Variants in NPAP1 observed in about 807,000 individuals in gnomAD.
The protein encoded by NPAP1 is nuclear pore associated protein 1, also known as nuclear pore-associated protein 1.
For synonymous variants in NPAP1, 616 were observed against 581.4 expected (o/e 1.06, Z -0.86); for missense variants, 1,483 against 1,454.5 (o/e 1.02, Z -0.32).
At position 24,677,178 on chromosome 15, in the gene NPAP1, C is replaced by T. The variant is rs146665066; in HGVS notation, c.1311C>T (p.Leu437=). ...PDLADLATGP[L]ILPIPPLSTT... ...TGGCTGACCTGGCTACTGGACCCCT[C>T]ATCCTGCCTATCCCTCCACTTTCCA... The change falls in exon 1 of 1, where the codon CTC becomes CTT. Residue 437 remains leucine (L), a synonymous_variant. Coordinates refer to ENST00000329468, the MANE Select transcript of NPAP1 (RefSeq NM_018958.3). 13 of 1,613,958 alleles carry T rather than the reference C, an allele frequency of 8.1e-6. No homozygotes were observed. The highest frequency in any genetic ancestry group is 3.3e-5 in the South Asian group (3 of 91,076).
Position 24,682,649 on chromosome 15 carries a change from T to A in NPAP1, c.*3311T>A, listed in dbSNP as rs902380853. 1 of 167,082 alleles carries A rather than the reference T, an allele frequency of 6.0e-6. No homozygotes were observed. Among genetic ancestry groups the A allele is most frequent in the Non-Finnish European group, 1.5e-5 (1 of 68,114 alleles). The allele number at this position is 167,082 out of a possible 1,614,324, so 10.3% of individuals were successfully genotyped here. The stretch of plus-strand genomic sequence containing the variant: ...GTCACTCCCATAGTTCTGAGTTTGC[T>A]TTTTTACTTCAACTATTATGTTATC... On this transcript the variant is annotated 3_prime_UTR_variant, in exon 1 of 1. Coordinates refer to ENST00000329468, the MANE Select transcript of NPAP1 (RefSeq NM_018958.3).
In NPAP1 at chr15:24,676,916, A is replaced by G. The variant is rs2141309126; in HGVS notation, c.1049A>G (p.Glu350Gly). The G allele has an allele frequency of 6.2e-7, 1 of 1,613,596 alleles. No individual in the cohort carries two copies. Residue 350 changes from glutamate (E) to glycine (G), a missense_variant, in exon 1 of 1, where the codon GAG becomes GGG. Coordinates refer to ENST00000329468, the MANE Select transcript of NPAP1 (RefSeq NM_018958.3). Reference sequence around the variant, plus strand: ...CTGCCATTGCTGTGGGATCGAGGTGAGCTTCCCCCACCTGCTAAGCTCCCC... The same window carrying G: ...CTGCCATTGCTGTGGGATCGAGGTGGGCTTCCCCCACCTGCTAAGCTCCCC... ...PSLPLLWDRGELPPPAKLPCL... is the reference protein window; with the variant it reads ...PSLPLLWDRGGLPPPAKLPCL...
In NPAP1 at chr15:24,676,991, A is replaced by G. The variant is rs771994456; in HGVS notation, c.1124A>G (p.Tyr375Cys). The G allele has an allele frequency of 1.2e-6, 2 of 1,613,846 alleles. No individual in the cohort carries two copies. The highest frequency in any genetic ancestry group is 1.7e-5 in the Admixed American group (1 of 59,998). ...CACACCTTGGAGAAGAGCCCTGAGT[A>G]TAAAAGGAATAGCAGAATCTTGGAG... The part of the protein sequence containing the change: ...DLHTLEKSPE[Y>C]KRNSRILEDK... The change falls in exon 1 of 1, where the codon TAT becomes TGT. Residue 375 changes from tyrosine to cysteine, a missense_variant. Physicochemically the swap from Tyr to Cys is radical, Grantham distance 194. Transcript: ENST00000329468.
rs1380466216 is a variant in NPAP1, at chr15:24,678,760, G to C, written c.2893G>C (p.Glu965Gln). ...LGTPVNAEPV[E>Q]GHNASAFPNG... ...CACACCTGTTAATGCTGAGCCAGTCGAGGGTCACAATGCAAGTGCTTTCCC... is the reference window on the plus strand; with the variant it reads ...CACACCTGTTAATGCTGAGCCAGTCCAGGGTCACAATGCAAGTGCTTTCCC... The change falls in exon 1 of 1, where the codon GAG (glutamate) becomes CAG (glutamine). Residue 965 changes from glutamate to glutamine, a missense_variant. Coordinates refer to ENST00000329468, the MANE Select transcript of NPAP1 (RefSeq NM_018958.3). 1.9e-6 allele frequency: 3 copies of C among 1,614,216 alleles called. No homozygotes were observed. Among genetic ancestry groups the C allele is most frequent in the African/African-American group, 1.3e-5 (1 of 75,062 alleles).
chr15:24,677,915 A>G lies in NPAP1; in HGVS notation c.2048A>G (p.Asn683Ser), dbSNP rs34938903. 1,625 of 1,605,906 alleles carry G rather than the reference A, an allele frequency of 1.0e-3. 16 individuals carry two copies. In the African/African-American group the frequency reaches 0.02, roughly 20 times the overall value. The change falls in exon 1 of 1, where the codon AAC becomes AGC. Residue 683 changes from asparagine to serine, a missense_variant. Transcript: ENST00000329468. ...IPPPDTSTLVNSASTASSSKP... is the reference protein window; with the variant it reads ...IPPPDTSTLVSSASTASSSKP... The stretch of plus-strand genomic sequence containing the variant: ...CCTCCAGACACCTCCACTTTAGTGA[A>G]CAGTGCCTCTACAGCATCATCATCC...
rs2141311827 is a variant in NPAP1 at position 24,678,097 on chromosome 15, G to A, written c.2230G>A (p.Gly744Ser). The A allele has an allele frequency of 6.2e-7, 1 of 1,613,726 alleles. No homozygotes were observed. The highest frequency in any genetic ancestry group is 1.1e-5 in the South Asian group (1 of 91,054). Residue 744 changes from glycine to serine, a missense_variant, in exon 1 of 1, where the codon GGC (glycine) becomes AGC (serine). Transcript: ENST00000329468. ...QPSGNTASVQGSTSLPAQSVR... is the reference protein window; with the variant it reads ...QPSGNTASVQSSTSLPAQSVR... ...CAGCGGCAACACTGCCTCAGTCCAAGGCTCCACCAGTTTGCCTGCACAGTC... is the reference window on the plus strand; with the variant it reads ...CAGCGGCAACACTGCCTCAGTCCAAAGCTCCACCAGTTTGCCTGCACAGTC...
chr15:24,676,605 C>T lies in NPAP1; in HGVS notation c.738C>T (p.Ala246=), dbSNP rs753676478. 3.1e-6 allele frequency: 5 copies of T among 1,613,972 alleles called. No homozygotes were observed. The highest frequency in any genetic ancestry group is 1.1e-5 in the South Asian group (1 of 91,074). The change falls in exon 1 of 1, where the codon GCC becomes GCT. Residue 246 remains alanine, a synonymous_variant. Transcript: ENST00000329468. ...CCATGCCCAGCACACACAGCCAGGC[C>T]GGATGTGCCCGGCATCTTGGAAAGC... ...GPAMPSTHSQ[A]GCARHLGKPD...
rs2141307562 is a variant in NPAP1 at position 24,676,227 on chromosome 15, C to A, written c.360C>A (p.Ser120Arg). The change falls in exon 1 of 1, where the codon AGC (serine) becomes AGA (arginine). Residue 120 changes from serine to arginine, a missense_variant. By Grantham distance (110) the Ser-to-Arg change is moderately radical (BLOSUM62 -1). Transcript: ENST00000329468. ...GTTCCGTAAGGATCCCTCCTCCCAG[C>A]CGCATGTTCACTCTCCTGCTGCCTT... ...HPSSVRIPPPSRMFTLLLPSP... is the reference protein window; with the variant it reads ...HPSSVRIPPPRRMFTLLLPSP... 6.6e-7 allele frequency: 1 copy of A among 1,523,166 alleles called. No homozygotes were observed. Among genetic ancestry groups the A allele is most frequent in the Non-Finnish European group, 8.8e-7 (1 of 1,137,874 alleles). 94.4% of individuals were successfully genotyped at this position (1,523,166 alleles called of 1,614,324 possible).
Position 24,677,200 on chromosome 15 carries a change from T to C in NPAP1, c.1333T>C (p.Ser445Pro). The change falls in exon 1 of 1, where the codon TCC (serine) becomes CCC (proline). Residue 445 changes from serine to proline, a missense_variant. Transcript: ENST00000329468. ...CCTCATCCTGCCTATCCCTCCACTT[T>C]CCACCACACCAAAAATGGATGAGAA... ...GPLILPIPPLSTTPKMDEKIA... is the reference protein window; with the variant it reads ...GPLILPIPPLPTTPKMDEKIA... The C allele has an allele frequency of 6.2e-7, 1 of 1,614,002 alleles. No homozygotes were observed. Among genetic ancestry groups the C allele is most frequent in the Non-Finnish European group, 8.5e-7 (1 of 1,180,010 alleles).
rs749455902 is a variant in NPAP1 at position 24,678,390 on chromosome 15, C to G, written c.2523C>G (p.Val841=). The G allele has an allele frequency of 7.4e-6, 12 of 1,614,076 alleles. No homozygotes were observed. Among genetic ancestry groups the G allele is most frequent in the Non-Finnish European group, 9.3e-6 (11 of 1,180,022 alleles). ...SKTVILQSTF[V]SRKEEYIRFY... ...CTGTCATCTTGCAGTCTACCTTTGT[C>G]TCCAGGAAGGAGGAGTACATCCGAT... is the stretch of plus-strand genomic sequence containing the variant. Residue 841 remains valine (V), a synonymous_variant, in exon 1 of 1, where the codon GTC becomes GTG. Transcript: ENST00000329468.
At position 24,677,206 on chromosome 15, in the gene NPAP1, A is replaced by G. The variant is rs2141309838; in HGVS notation, c.1339A>G (p.Thr447Ala). The stretch of plus-strand genomic sequence containing the variant: ...CCTGCCTATCCCTCCACTTTCCACC[A>G]CACCAAAAATGGATGAGAAAATAGC... ...LILPIPPLST[T>A]PKMDEKIAFT... Residue 447 changes from threonine (T) to alanine (A), a missense_variant, in exon 1 of 1, where the codon ACA (threonine) becomes GCA (alanine). Thr to Ala is a moderately conservative substitution (Grantham distance 58, BLOSUM62 0). Coordinates refer to ENST00000329468, the MANE Select transcript of NPAP1 (RefSeq NM_018958.3). 1.2e-6 allele frequency: 2 copies of G among 1,613,888 alleles called. No homozygotes were observed. The highest frequency in any genetic ancestry group is 1.7e-6 in the Non-Finnish European group (2 of 1,179,976).
chr15:24,676,137 G>A, the NPAP1 span: 1 of 1,574,926 alleles, frequency 6.3e-7, no homozygotes, highest in Non-Finnish European at 8.6e-7. Flanking sequence ...CTGTGGGTTG[G>A]GGGCTGGCCA....
chr15:24,677,737 CT>C, the NPAP1 span: 1 of 1,614,200 alleles, frequency 6.2e-7, no homozygotes. Context: ...CACATCCCCA[CT>C]TCCATTTATA....
In NPAP1 at chr15:24,679,129, A is replaced by G. The variant is rs2141314179; in HGVS notation, c.3262A>G (p.Ile1088Val). The change falls in exon 1 of 1, where the codon ATT becomes GTT. Residue 1088 changes from isoleucine (I) to valine (V), a missense_variant. Transcript: ENST00000329468. ...VFGYTSAAAY[I>V]PGLDPPTQNS... ...TGGATATACTTCTGCTGCCGCCTAC[A>G]TTCCTGGTTTAGACCCACCTACCCA... The G allele has an allele frequency of 6.2e-7, 1 of 1,614,204 alleles. No homozygotes were observed. Among genetic ancestry groups the G allele is most frequent in the South Asian group, 1.1e-5 (1 of 91,074 alleles).
the NPAP1 span, chr15:24,676,316 AG>A: frequency 6.6e-7 from 1 of 1,523,548 alleles, no homozygotes; most frequent in Non-Finnish European, 8.8e-7. Context: ...GAGGAGACCG[AG>A]GTGTGGGCCC....
At position 24,679,070 on chromosome 15, in the gene NPAP1, C is replaced by T. The variant is rs753951798; in HGVS notation, c.3203C>T (p.Ala1068Val). The T allele has an allele frequency of 3.7e-6, 6 of 1,614,228 alleles. No homozygotes were observed. In the South Asian group the frequency reaches 6.6e-5, roughly 18 times the overall value. The change falls in exon 1 of 1, where the codon GCT (alanine) becomes GTT (valine). Residue 1068 changes from alanine (A) to valine (V), a missense_variant. By Grantham distance (64) the Ala-to-Val change is moderately conservative. Coordinates refer to ENST00000329468, the MANE Select transcript of NPAP1 (RefSeq NM_018958.3). ...GACCCAACTGGCCACAGCATGGCTG[C>T]TGCACCACAAGGGGCTAGCAACATT... Reference protein sequence around the residue: ...AWDPTGHSMAAAPQGASNIPV... With the variant: ...AWDPTGHSMAVAPQGASNIPV...
Position 24,676,216 on chromosome 15 carries a change from C to T in NPAP1, c.349C>T (p.Pro117Ser), listed in dbSNP as rs2141307538. ...TGGACACCCCAGTTCCGTAAGGATC[C>T]CTCCTCCCAGCCGCATGTTCACTCT... is the stretch of plus-strand genomic sequence containing the variant. ...RFGHPSSVRIPPPSRMFTLLL... is the reference protein window; with the variant it reads ...RFGHPSSVRISPPSRMFTLLL... The change falls in exon 1 of 1, where the codon CCT (proline) becomes TCT (serine). Residue 117 changes from proline (P) to serine (S), a missense_variant. Coordinates refer to ENST00000329468, the MANE Select transcript of NPAP1 (RefSeq NM_018958.3). The T allele has an allele frequency of 6.5e-7, 1 of 1,529,896 alleles. No individual in the cohort carries two copies. Among genetic ancestry groups the T allele is most frequent in the Non-Finnish European group, 8.8e-7 (1 of 1,140,898 alleles). 94.8% of individuals were successfully genotyped at this position (1,529,896 alleles called of 1,614,324 possible).
In NPAP1 at chr15:24,678,166, G is replaced by A. The variant is rs2141311999; in HGVS notation, c.2299G>A (p.Gly767Arg). 6.2e-7 allele frequency: 1 copy of A among 1,612,732 alleles called. No homozygotes were observed. The highest frequency in any genetic ancestry group is 8.5e-7 in the Non-Finnish European group (1 of 1,179,728). The change falls in exon 1 of 1, where the codon GGA (glycine) becomes AGA (arginine). Residue 767 changes from glycine to arginine, a missense_variant. Transcript: ENST00000329468. ...ATASNHPLNP[G>R]ATPQPKFGAP... ...AGCTTCCAACCATCCTTTAAATCCA[G>A]GAGCCACCCCTCAACCCAAATTTGG...
In NPAP1 at chr15:24,676,281, G is replaced by C. The variant is rs2141307670; in HGVS notation, c.414G>C (p.Arg138Ser). 11 of 1,519,464 alleles carry C rather than the reference G, an allele frequency of 7.2e-6. No individual in the cohort carries two copies. The highest frequency in any genetic ancestry group is 9.7e-6 in the Non-Finnish European group (11 of 1,135,796). The allele number at this position is 1,519,464 out of a possible 1,614,324, so 94.1% of individuals were successfully genotyped here. ...CACGTGAGCCGGCGGTCAAGGCCAG[G>C]AAGCCCATCCCAGCCACTCTCCTGG... ...PSPREPAVKARKPIPATLLEE... is the reference protein window; with the variant it reads ...PSPREPAVKASKPIPATLLEE... The change falls in exon 1 of 1, where the codon AGG becomes AGC. Residue 138 changes from arginine to serine, a missense_variant. Physicochemically the swap from Arg to Ser is moderately radical, Grantham distance 110 (BLOSUM62 -1). Coordinates refer to ENST00000329468, the MANE Select transcript of NPAP1 (RefSeq NM_018958.3).
Sources: gnomAD v4.1 joint callset for allele counts on GRCh38, gnomAD v4.1.1 for gene constraint, MANE v1.5 for transcripts, NCBI Gene and HGNC (gene_info 2026-07-23, HGNC 2026-07-21) for gene names.